Variants in HEPHL1 observed in about 807,000 individuals in gnomAD.
The protein encoded by HEPHL1 is hephaestin like 1, also known as ferroxidase HEPHL1.
A neutral mutation model predicts 122.0 loss-of-function variants in HEPHL1; 123 were observed. The ratio of observed to expected loss-of-function variants is 1.01; its 90% CI spans 0.87 to 1.17. HEPHL1 has a LOEUF of 1.17. Ranked by LOEUF, HEPHL1 falls within the 50% of genes most tolerant of loss-of-function variation. HEPHL1 has a pLI of 0.00. For synonymous variants in HEPHL1, 527 were observed against 508.9 expected, an observed-to-expected ratio of 1.04 and a Z score of -0.48; for missense variants, 1,452 against 1,430.5, an observed-to-expected ratio of 1.01 and a Z score of -0.24.
intron 9 of HEPHL1, among the ~76,000 whole-genome samples, chr11:94,078,474 T>TATATATATATAC (rs1324772346): frequency 1.7e-5 from 2 of 118,558 alleles, no homozygotes; most frequent in Non-Finnish European, 3.7e-5. Flanking sequence ...TATATATATA[T>TATATATATATAC]ATGGAGAAAG....
intron 15 of HEPHL1, among the ~76,000 whole-genome samples, chr11:94,103,882 A>T (rs939187899): frequency 6.6e-6 from 1 of 152,338 alleles, no homozygotes; most frequent in South Asian, 2.1e-4. Context: ...TTATGGGAAA[A>T]TCCAAATTTA....
In HEPHL1 at chr11:94,101,409, T is replaced by G. The variant is rs1208129609; in HGVS notation, c.2575+74T>G. 2.1e-6 allele frequency: 3 copies of G among 1,447,184 alleles called. No homozygotes were observed. The African/African-American group carries it at 4.3e-5, about 21-fold the overall frequency. 89.6% of individuals were successfully genotyped at this position (1,447,184 alleles called of 1,614,324 possible). A position where few individuals can be genotyped will look rare whatever the true frequency, so the allele number is the denominator to read the frequency against. ...CAACTCTTTTCTGGTCTCAGAGGTG[T>G]CTTAAAGAGCTCATCTTAATGTCAA... is the stretch of plus-strand genomic sequence containing the variant. On this transcript the variant is annotated intron_variant, in intron 14 of 19. Coordinates refer to ENST00000315765, the MANE Select transcript of HEPHL1 (RefSeq NM_001098672.2).
chr11:94,064,608 G>T (rs1946018869), intron 4 of HEPHL1, 98 bp downstream of exon 4: 2 of 823,488 alleles, frequency 2.4e-6, no homozygotes, highest in South Asian at 1.9e-5. Context: ...TCTGAGTTTG[G>T]CATGATTTAT....
At chr11:94,083,011 C>A (rs141059610) in intron 10 of HEPHL1, among the ~76,000 whole-genome samples, 240 of 152,124 alleles carry the variant, frequency 1.6e-3, no homozygotes, top group African/African-American at 5.6e-3. Flanking sequence ...ATTGCTTGAA[C>A]CCGGAGGTGG....
intron 14 of HEPHL1, 60 bp from the exon 15 acceptor site, chr11:94,102,854 A>C: frequency 1.2e-6 from 1 of 840,984 alleles, no homozygotes; most frequent in Non-Finnish European, 2.0e-6. Flanking sequence ...ATATTTCTTC[A>C]GATAAATCAT....
At chr11:94,104,400 C>T in intron 15 of HEPHL1, 128 bp from the exon 16 acceptor site, 1 of 664,588 alleles carries the variant, frequency 1.5e-6, no homozygotes, top group Non-Finnish European at 2.6e-6. Context: ...TGAATCAGAG[C>T]TGAGAGAAGA....
intron 8 of HEPHL1, among the ~76,000 whole-genome samples, chr11:94,074,576 C>T (rs1427382334): frequency 2.0e-5 from 3 of 152,122 alleles, no homozygotes; most frequent in Admixed American, 6.6e-5. Flanking sequence ...AGCCTCTGGC[C>T]TTGTCTAGTA....
intron 1 of HEPHL1, among the ~76,000 whole-genome samples, chr11:94,036,489 C>G (rs1945724641): frequency 6.6e-6 from 1 of 152,150 alleles, no homozygotes; most frequent in African/African-American, 2.4e-5. Context: ...CTTGAGTCAT[C>G]TCACAACTTT....
At chr11:94,052,394 T>C (rs1344533464) in intron 2 of HEPHL1, among the ~76,000 whole-genome samples, 1 of 152,138 alleles carries the variant, frequency 6.6e-6, no homozygotes, top group Non-Finnish European at 1.5e-5. Flanking sequence ...TAAATGGGAT[T>C]ACTTTCTTGA....
chr11:94,100,321 T>C (rs1465680410), intron 13 of HEPHL1, among the ~76,000 whole-genome samples: 1 of 152,234 alleles, frequency 6.6e-6, no homozygotes, highest in Non-Finnish European at 1.5e-5. Context: ...TGTATCTCCC[T>C]GTGAATGTAG....
chr11:94,072,439 G>A (rs912383210), intron 6 of HEPHL1, among the ~76,000 whole-genome samples: 3 of 152,112 alleles, frequency 2.0e-5, no homozygotes, highest in Non-Finnish European at 2.9e-5. Context: ...AATCTACGTG[G>A]CTGCAAGAGT....
At position 94,085,957 on chromosome 11, in the gene HEPHL1, G is replaced by A. The variant is rs200450738; in HGVS notation, c.1868-20G>A. ...CCATACACACTGATAATTTTTCACC[G>A]TCTTTCTTCTTCCATTTAGCTGTTA... On this transcript the variant is annotated intron_variant, in intron 10 of 19. Transcript: ENST00000315765. 4.1e-4 allele frequency: 660 copies of A among 1,591,938 alleles called. 1 individual carries two copies. Among genetic ancestry groups the A allele is most frequent in the African/African-American group, 3.6e-3 (266 of 74,492 alleles).
At chr11:94,100,395 A>C (rs1946358902) in intron 13 of HEPHL1, among the ~76,000 whole-genome samples, 1 of 152,068 alleles carries the variant, frequency 6.6e-6, no homozygotes. Flanking sequence ...GAGTCTACTG[A>C]CCATGAAGCA....
At chr11:94,102,436 C>G (rs1376776453) in intron 14 of HEPHL1, among the ~76,000 whole-genome samples, 1 of 152,148 alleles carries the variant, frequency 6.6e-6, no homozygotes, top group Non-Finnish European at 1.5e-5. Flanking sequence ...ACTTGAGAAG[C>G]TTTTAAAAAA....
intron 19 of HEPHL1, 32 bp downstream of exon 19, chr11:94,111,637 C>T (rs371952178): frequency 2.1e-5 from 33 of 1,607,476 alleles, no homozygotes; most frequent in South Asian, 6.6e-5. Flanking sequence ...GTAAATGAGT[C>T]AACATTTCAC....
At chr11:94,065,173 C>T (rs2134428241) in intron 4 of HEPHL1, among the ~76,000 whole-genome samples, 2 of 152,258 alleles carry the variant, frequency 1.3e-5, no homozygotes, top group South Asian at 4.1e-4. Context: ...TTAGAGAGTT[C>T]TAGTGAACAT....
intron 11 of HEPHL1, among the ~76,000 whole-genome samples, chr11:94,087,640 C>T (rs1197302687): frequency 1.3e-5 from 2 of 152,124 alleles, no homozygotes; most frequent in African/African-American, 4.8e-5. Context: ...GACAATTCCT[C>T]AACTATTGAA....
At chr11:94,093,955 T>A (rs1396105448) in intron 13 of HEPHL1, among the ~76,000 whole-genome samples, 1 of 132,310 alleles carries the variant, frequency 7.6e-6, no homozygotes, top group East Asian at 2.3e-4. Context: ...GAAATTTTCT[T>A]TTAAATCCTC....
In HEPHL1 at chr11:94,111,076, C is replaced by T; in HGVS notation, c.3208+11C>T. 1 of 1,557,042 alleles carries T rather than the reference C, an allele frequency of 6.4e-7. No homozygotes were observed. The highest frequency in any genetic ancestry group is 1.2e-5 in the South Asian group (1 of 84,378). On this transcript the variant is annotated intron_variant, in intron 18 of 19. Coordinates refer to ENST00000315765, the MANE Select transcript of HEPHL1 (RefSeq NM_001098672.2). ...TCCTTCGTAACATAGGTACGGTTGT[C>T]TGTCAGTGATGCCAGATGATGGCAC...
Sources: gnomAD v4.1 joint callset for allele counts (sites outside exome capture counted in the v4.1 genomes callset) on GRCh38, gnomAD v4.1.1 for gene constraint, MANE v1.5 for transcripts, NCBI Gene and HGNC (gene_info 2026-07-23, HGNC 2026-07-21) for gene names.